The following HAL variants were observed in gnomAD, a reference collection of about 807,000 sequenced individuals.
HAL encodes histidase.
A neutral mutation model predicts 81.1 loss-of-function variants in HAL; 85 were observed. That is an observed-to-expected ratio of 1.05 (90% CI 0.88 to 1.25). The LOEUF (loss-of-function observed/expected upper bound fraction) is 1.25. HAL is among the 50% of genes most tolerant of loss of function. The pLI is 0.00. For missense variants in HAL, 798 were observed against 836.6 expected (o/e 0.95, Z 0.57); for synonymous variants, 301 against 309.2 (o/e 0.97, Z 0.28).
At chr12:95,993,418 A>C (rs1218861276) in intron 8 of HAL, 33 bp downstream of exon 8, 1 of 1,424,416 alleles carries the variant, frequency 7.0e-7, no homozygotes, top group Middle Eastern at 1.8e-4. Flanking sequence ...CTAATCACAC[A>C]AGATCCAGGA....
chr12:95,994,396 G>T (rs760511191), intron 4 of HAL, among the ~76,000 whole-genome samples: 8 of 152,294 alleles, frequency 5.3e-5, no homozygotes, highest in East Asian at 1.9e-4. Context: ...CCCTGTGGTT[G>T]GTTGGTTTGT....
At position 95,987,178 on chromosome 12, in the gene HAL, A is replaced by G. The variant is rs750732966; in HGVS notation, c.940T>C (p.Ser314Pro). Residue 314 changes from serine (S) to proline (P), a missense_variant, in exon 12 of 21, where the codon TCC becomes CCC. Ser to Pro is a moderately conservative substitution (Grantham distance 74). Coordinates refer to ENST00000261208, the MANE Select transcript of HAL (RefSeq NM_002108.4). ...CGCTCTACAGCTTCACAGCCCAGGG[A>G]TGTGATCATCTGCGTCCCATTGATG... is the stretch of plus-strand genomic sequence containing the variant. ...ALINGTQMIT[S>P]LGCEAVERAS... The G allele has an allele frequency of 7.2e-5, 116 of 1,612,824 alleles. No homozygotes were observed. Among genetic ancestry groups the G allele is most frequent in the Non-Finnish European group, 9.3e-5 (110 of 1,178,900 alleles).
Position 95,983,945 on chromosome 12 carries a change from A to G in HAL, c.1253T>C (p.Ile418Thr), listed in dbSNP as rs200953234. The G allele has an allele frequency of 6.3e-7, 1 of 1,587,286 alleles. No individual in the cohort carries two copies. Among genetic ancestry groups the G allele is most frequent in the African/African-American group, 1.3e-5 (1 of 74,504 alleles). ...NDTIAFVKNI[I>T]TTELNSATDN... The stretch of plus-strand genomic sequence containing the variant: ...TGTTGCGCTGTTCAGTTCTGTGGTA[A>G]TGATGTTCTTCACAAATGCTATTGT... The change falls in exon 15 of 21, where the codon ATT becomes ACT. Residue 418 changes from isoleucine to threonine, a missense_variant. Transcript: ENST00000261208.
chr12:95,976,119 CT>C, intron 20 of HAL: 1 of 398,992 alleles, frequency 2.5e-6, no homozygotes, highest in Non-Finnish European at 4.7e-6. Context: ...AAGAGGACAT[CT>C]TGCAGGGGTG....
intron 18 of HAL, 30 bp from the exon 19 acceptor site, chr12:95,976,736 T>C (rs768191262): frequency 3.6e-6 from 5 of 1,390,592 alleles, no homozygotes; most frequent in Non-Finnish European, 4.1e-6. Context: ...GAGGGTAGCT[T>C]ATGAAAGTCT....
intron 9 of HAL, among the ~76,000 whole-genome samples, chr12:95,992,008 C>T (rs1047657670): frequency 1.3e-5 from 2 of 152,212 alleles, no homozygotes; most frequent in African/African-American, 4.8e-5. Flanking sequence ...TCTCCTTCCC[C>T]TCAAAGAGTT....
intron 15 of HAL, among the ~76,000 whole-genome samples, chr12:95,982,592 A>ACT (rs2080807351): frequency 6.6e-6 from 1 of 152,194 alleles, no homozygotes; most frequent in South Asian, 2.1e-4. Flanking sequence ...GGAGAGACCC[A>ACT]CAATTTCTGA....
intron 20 of HAL, among the ~76,000 whole-genome samples, chr12:95,974,624 C>G (rs1260946106): frequency 1.3e-5 from 2 of 152,164 alleles, no homozygotes; most frequent in African/African-American, 4.8e-5. Flanking sequence ...GCATACTTTT[C>G]CTAAGCAAAA....
rs770766724 is a variant in HAL, at chr12:95,976,620, C to T, written c.1741G>A (p.Asp581Asn). ...KTTTPLEKVY[D>N]LVRSVVRPWI... ...TACCTTACAACAGAGCGCACCAGGT[C>T]ATAGACCTTCTCCAGCGGAGTGGTT... is the stretch of plus-strand genomic sequence containing the variant. The change falls in exon 19 of 21, where the codon GAC becomes AAC. Residue 581 changes from aspartate (D) to asparagine (N), a missense_variant. Coordinates refer to ENST00000261208, the MANE Select transcript of HAL (RefSeq NM_002108.4). 9 of 1,610,818 alleles carry T rather than the reference C, an allele frequency of 5.6e-6. No individual in the cohort carries two copies. Among genetic ancestry groups the T allele is most frequent in the Non-Finnish European group, 7.6e-6 (9 of 1,177,076 alleles).
rs201489267 is a variant in HAL at position 95,980,755 on chromosome 12, T to C, written c.1354-34A>G. The C allele has an allele frequency of 5.0e-6, 8 of 1,607,002 alleles. No homozygotes were observed. In the Admixed American group the frequency reaches 5.0e-5, roughly 10 times the overall value. ...GGGTCTCCATTTAGTCAGCCTATAT[T>C]GAAATGTGCCTTCTGGGTCAGGAGC... On this transcript the variant is annotated intron_variant, in intron 16 of 20. Coordinates refer to ENST00000261208, the MANE Select transcript of HAL (RefSeq NM_002108.4).
chr12:95,976,520 C>G (rs371028468), intron 19 of HAL, 22 bp from the exon 20 acceptor site: 1 of 1,612,648 alleles, frequency 6.2e-7, no homozygotes, highest in Non-Finnish European at 8.5e-7. Flanking sequence ...GCACATCCGC[C>G]CATCAGCCAA....
chr12:95,974,174 A>G lies in HAL; in HGVS notation c.*58T>C. ...AGTTCTCAGGTCTCTCCTTCAGCCT[A>G]GTATTGCTTTGTGCTAAACTGACTG... On this transcript the variant is annotated 3_prime_UTR_variant, in exon 21 of 21. Transcript: ENST00000261208. 1 of 1,456,922 alleles carries G rather than the reference A, an allele frequency of 6.9e-7. No individual in the cohort carries two copies. Among genetic ancestry groups the G allele is most frequent in the Non-Finnish European group, 9.6e-7 (1 of 1,036,506 alleles). 90.2% of individuals were successfully genotyped at this position (1,456,922 alleles called of 1,614,324 possible).
Position 95,996,275 on chromosome 12 carries a change from T to G in HAL, c.-279A>C. 1 of 307,100 alleles carries G rather than the reference T, an allele frequency of 3.3e-6. No homozygotes were observed. Among genetic ancestry groups the G allele is most frequent in the Non-Finnish European group, 6.4e-6 (1 of 156,482 alleles). 19.0% of individuals were successfully genotyped at this position (307,100 alleles called of 1,614,324 possible). ...CTTCAGGGTCCCCAATTTCTCTCTC[T>G]TCCCTCGTTTCTGTCTGTGTTCTCT... On this transcript the variant is annotated 5_prime_UTR_variant, in exon 1 of 21. Transcript: ENST00000261208.
rs1016908483 is a variant in HAL at position 95,996,077 on chromosome 12, C to A, written c.-82+1G>T. On this transcript the variant is annotated splice_donor_variant, in intron 1 of 20. Coordinates refer to ENST00000261208, the MANE Select transcript of HAL (RefSeq NM_002108.4). LOFTEE classifies it low-confidence loss of function (5UTR_SPLICE). Reference sequence around the variant, plus strand: ...CATTGGACAAATATTTATTGAGGTACCTGCTGTCCCTTTGGTTTTTGTAGC... The same window carrying A: ...CATTGGACAAATATTTATTGAGGTAACTGCTGTCCCTTTGGTTTTTGTAGC... The A allele has an allele frequency of 1.5e-5, 11 of 713,146 alleles. No individual in the cohort carries two copies. Among genetic ancestry groups the A allele is most frequent in the Non-Finnish European group, 2.6e-5 (11 of 416,230 alleles). 44.2% of individuals were successfully genotyped at this position (713,146 alleles called of 1,614,324 possible).
At position 95,980,844 on chromosome 12, in the gene HAL, C is replaced by T. The variant is rs181093412; in HGVS notation, c.1307G>A (p.Gly436Glu). The T allele has an allele frequency of 1.2e-4, 183 of 1,579,830 alleles. No individual in the cohort carries two copies. In the Admixed American group the frequency reaches 1.7e-3, roughly 15 times the overall value. Residue 436 changes from glycine (G) to glutamate (E), a missense_variant, in exon 16 of 21, where the codon GGA (glycine) becomes GAA (glutamate). Gly to Glu is a moderately conservative substitution (Grantham distance 98). Coordinates refer to ENST00000261208, the MANE Select transcript of HAL (RefSeq NM_002108.4). ...TDNPMVFANR[G>E]ETVSGGNFHG... is the part of the protein sequence containing the mutation. ...GAAGTTTCCTCCAGAAACTGTCTCTCCCCTATTGGCAAAGACCATCTTTCA... is the reference window on the plus strand; with the variant it reads ...GAAGTTTCCTCCAGAAACTGTCTCTTCCCTATTGGCAAAGACCATCTTTCA...
At chr12:95,988,681 G>A (rs1949927908) in intron 10 of HAL, among the ~76,000 whole-genome samples, 1 of 152,114 alleles carries the variant, frequency 6.6e-6, no homozygotes. Flanking sequence ...AACCTCATTA[G>A]TGCTTCATTT....
chr12:95,995,482 C>A (rs1451060052), intron 2 of HAL, among the ~76,000 whole-genome samples, 182 bp downstream of exon 2: 2 of 152,216 alleles, frequency 1.3e-5, no homozygotes, highest in Non-Finnish European at 2.9e-5. Context: ...GAGAATCCTA[C>A]CCATCTCACA....
intron 14 of HAL, among the ~76,000 whole-genome samples, chr12:95,985,332 G>A (rs1249120637): frequency 3.3e-5 from 5 of 152,094 alleles, no homozygotes; most frequent in South Asian, 2.1e-4. Flanking sequence ...CGGTCCTCAC[G>A]CCTGTAATCC....
At position 95,992,821 on chromosome 12, in the gene HAL, G is replaced by A; in HGVS notation, c.590-16C>T. The A allele has an allele frequency of 1.2e-6, 2 of 1,610,824 alleles. No individual in the cohort carries two copies. The highest frequency in any genetic ancestry group is 1.1e-5 in the South Asian group (1 of 90,994). Reference sequence around the variant, plus strand: ...TTCCCAACACCTGCAAAACAGAATTGATGTTTTCTCCAAGAAAAGCAAACT... The same window carrying A: ...TTCCCAACACCTGCAAAACAGAATTAATGTTTTCTCCAAGAAAAGCAAACT... On this transcript the variant is annotated splice_polypyrimidine_tract_variant and intron_variant, in intron 8 of 20. Transcript: ENST00000261208.
Sources: allele counts gnomAD v4.1 joint callset (sites outside exome capture counted in the v4.1 genomes callset), GRCh38; gene constraint gnomAD v4.1.1; transcripts MANE v1.5; gene names NCBI Gene and HGNC (gene_info 2026-07-23, HGNC 2026-07-21).